The following CDH13 variants were observed in gnomAD, a reference collection of about 807,000 sequenced individuals.
The protein encoded by CDH13 is cadherin 13.
Under a neutral mutation model 63.8 loss-of-function variants are expected in CDH13, and 24 were observed. The observed-to-expected ratio is 0.38, with a 90% confidence interval of 0.27 to 0.53. The LOEUF (loss-of-function observed/expected upper bound fraction) is 0.53, where lower values mean the gene tolerates loss of function less well. CDH13 is among the 20% of genes least tolerant of loss of function. The pLI is 0.85. For synonymous variants in CDH13, 503 were observed against 355.3 expected (o/e 1.42, Z -4.67); for missense variants, 1,049 against 903.1 (o/e 1.16, Z -2.07).
At chr16:83,312,005 G>A (rs947729527) in intron 5 of CDH13, among the ~76,000 whole-genome samples, 13 of 149,598 alleles carry the variant, frequency 8.7e-5, no homozygotes, top group African/African-American at 2.5e-4. Context: ...CCCGGGAGGC[G>A]GAAGTTGCAG....
At chr16:82,708,865 C>G (rs1480691232) in intron 1 of CDH13, among the ~76,000 whole-genome samples, 1 of 152,176 alleles carries the variant, frequency 6.6e-6, no homozygotes, top group Admixed American at 6.5e-5. Flanking sequence ...GTGGAGCTGA[C>G]CAGCATCAGA....
chr16:82,891,181 AG>A, intron 2 of CDH13, among the ~76,000 whole-genome samples: 1 of 152,140 alleles, frequency 6.6e-6, no homozygotes, highest in East Asian at 1.9e-4. Flanking sequence ...TCTCTGTAAG[AG>A]GCTCTGAATA....
At chr16:82,981,031 A>C (rs1032495066) in intron 2 of CDH13, among the ~76,000 whole-genome samples, 2 of 152,172 alleles carry the variant, frequency 1.3e-5, no homozygotes, top group Non-Finnish European at 2.9e-5. Flanking sequence ...GCTCAGGTGC[A>C]TCAGGAGCCC....
intron 2 of CDH13, among the ~76,000 whole-genome samples, chr16:82,869,866 C>G (rs1188150720): frequency 6.6e-6 from 1 of 152,144 alleles, no homozygotes; most frequent in Non-Finnish European, 1.5e-5. Flanking sequence ...AGAACTGAAA[C>G]TCTGAAACGA....
chr16:82,960,595 A>G (rs1906820746), intron 2 of CDH13, among the ~76,000 whole-genome samples: 2 of 152,150 alleles, frequency 1.3e-5, no homozygotes, highest in Non-Finnish European at 2.9e-5. Flanking sequence ...ATCTTTTTTC[A>G]CCTTCTGGGC....
chr16:83,731,936 A>G (rs558465857), intron 10 of CDH13, among the ~76,000 whole-genome samples: 19 of 152,272 alleles, frequency 1.2e-4, no homozygotes, highest in Non-Finnish European at 2.4e-4. Context: ...CCAGTTGTGA[A>G]TATTGCTTTT....
At chr16:83,657,924 C>G (rs1273299461) in intron 8 of CDH13, among the ~76,000 whole-genome samples, 1 of 149,948 alleles carries the variant, frequency 6.7e-6, no homozygotes, top group Non-Finnish European at 1.5e-5. Flanking sequence ...AGCAAGGTCC[C>G]ATGTCCCCAC....
intron 1 of CDH13, among the ~76,000 whole-genome samples, chr16:82,758,361 A>C (rs2151079629): frequency 6.6e-6 from 1 of 152,276 alleles, no homozygotes. Context: ...CTGGAGGGAA[A>C]GTTAAGGTCC....
intron 3 of CDH13, among the ~76,000 whole-genome samples, chr16:83,035,661 G>A (rs1916780372): frequency 6.6e-6 from 1 of 152,296 alleles, no homozygotes; most frequent in South Asian, 2.1e-4. Flanking sequence ...GACTTTGAAG[G>A]ACGGGTCATT....
intron 8 of CDH13, chr16:83,655,158 G>A (rs1202224605): frequency 6.6e-6 from 1 of 152,228 alleles, no homozygotes; most frequent in East Asian, 1.9e-4. Context: ...AATCTTGTTG[G>A]CAAATCTCTC....
At chr16:83,426,329 A>T (rs919908787) in intron 6 of CDH13, among the ~76,000 whole-genome samples, 1 of 152,130 alleles carries the variant, frequency 6.6e-6, no homozygotes, top group Non-Finnish European at 1.5e-5. Flanking sequence ...GGTTTTCATT[A>T]TTCCAATAAT....
At chr16:82,752,372 G>T (rs1212677585) in intron 1 of CDH13, among the ~76,000 whole-genome samples, 1 of 152,150 alleles carries the variant, frequency 6.6e-6, no homozygotes, top group African/African-American at 2.4e-5. Flanking sequence ...GCACTGCCTT[G>T]TGCTGACTCT....
chr16:83,794,542 G>C (rs371456501), intron 13 of CDH13, among the ~76,000 whole-genome samples: 2 of 152,272 alleles, frequency 1.3e-5, no homozygotes, highest in East Asian at 1.9e-4. Context: ...AACAGAATGA[G>C]ACCCTGTCTC....
At position 82,654,078 on chromosome 16, in the gene CDH13, G is replaced by A. The variant is rs16958017; in HGVS notation, c.45+26941G>A. On this transcript the variant is annotated intron_variant, in intron 1 of 13. Coordinates refer to ENST00000567109, the MANE Select transcript of CDH13 (RefSeq NM_001257.5). ...AGGATTCCCCTTATGACATAAAGCC[G>A]CAAAAATTCTCATTAGTCATTGCAA... Among the ~76,000 whole-genome samples the A allele has an allele frequency of 9.2e-5, 14 of 151,874 alleles. No individual in the cohort carries two copies. In the South Asian group the frequency reaches 2.3e-3, roughly 25 times the overall value.
chr16:82,734,261 G>A (rs1037766792), intron 1 of CDH13, among the ~76,000 whole-genome samples: 1 of 152,210 alleles, frequency 6.6e-6, no homozygotes, highest in African/African-American at 2.4e-5. Flanking sequence ...TCAAATGGCA[G>A]AGTTAAGCAG....
chr16:83,240,752 A>G (rs1028808058), intron 5 of CDH13, among the ~76,000 whole-genome samples: 1 of 119,390 alleles, frequency 8.4e-6, no homozygotes, highest in African/African-American at 3.5e-5. Flanking sequence ...TTGAGAAACA[A>G]GGTTTCACTG....
intron 3 of CDH13, among the ~76,000 whole-genome samples, chr16:83,040,237 C>A (rs534939787): frequency 8.6e-5 from 13 of 152,020 alleles, no homozygotes; most frequent in African/African-American, 3.1e-4. Context: ...TGAATCAACA[C>A]GTGTGTATTA....
intron 7 of CDH13, among the ~76,000 whole-genome samples, chr16:83,575,352 C>G (rs1905011820): frequency 2.0e-5 from 3 of 152,144 alleles, no homozygotes; most frequent in Admixed American, 2.0e-4. Context: ...AAAACAAAAA[C>G]AAAAAGTGTC....
chr16:82,885,866 T>A (rs1296834876), intron 2 of CDH13, among the ~76,000 whole-genome samples: 1 of 152,164 alleles, frequency 6.6e-6, no homozygotes, highest in Non-Finnish European at 1.5e-5. Context: ...TGTCAGGATT[T>A]AATGATATAA....
Sources: gnomAD v4.1 joint callset for allele counts (sites outside exome capture counted in the v4.1 genomes callset) on GRCh38, gnomAD v4.1.1 for gene constraint, MANE v1.5 for transcripts, NCBI Gene and HGNC (gene_info 2026-07-23, HGNC 2026-07-21) for gene names.